The following CRLS1 variants were observed in gnomAD, a reference collection of about 807,000 sequenced individuals.
The protein encoded by CRLS1 is cardiolipin synthase (CMP-forming).
CRLS1 carries 24 observed loss-of-function variants against 37.0 expected under a neutral mutation model. The ratio of observed to expected loss-of-function variants is 0.65; its 90% CI spans 0.47 to 0.91. The LOEUF is 0.91. Among genes scored for constraint, CRLS1 ranks in the 40% least tolerant of loss-of-function variants. The probability of loss-of-function intolerance (pLI) is 0.00; values close to 1 mark genes in which losing one functional copy is unlikely to be tolerated. For missense variants in CRLS1, 373 were observed against 395.8 expected (o/e 0.94, Z 0.49); for synonymous variants, 135 against 159.7 (o/e 0.85, Z 1.17).
At position 6,020,683 on chromosome 20, in the gene CRLS1, C is replaced by T. The variant is rs6053832; in HGVS notation, c.574+5193C>T. On this transcript the variant is annotated intron_variant, in intron 3 of 6. Coordinates refer to ENST00000378863, the MANE Select transcript of CRLS1 (RefSeq NM_019095.6). Reference sequence around the variant, plus strand: ...TGTCGCCCAGGCTGGAGTGCAGTGGCGCAATCTTGGCTCACTGCAAGCTCT... The same window carrying T: ...TGTCGCCCAGGCTGGAGTGCAGTGGTGCAATCTTGGCTCACTGCAAGCTCT... 4.8e-3 allele frequency among the ~76,000 whole-genome samples: 723 copies of T among 150,964 alleles called. 8 individuals carry two copies. Among genetic ancestry groups the T allele is most frequent in the African/African-American group, 0.017 (679 of 41,068 alleles).
chr20:6,006,676 T>G (rs2090060562), intron 1 of CRLS1, 124 bp downstream of exon 1: 1 of 1,209,584 alleles, frequency 8.3e-7, no homozygotes, highest in Non-Finnish European at 1.0e-6. Context: ...GACTCTTCCC[T>G]GAAAAGAAGT....
At chr20:6,023,799 A>G (rs531617142) in intron 3 of CRLS1, among the ~76,000 whole-genome samples, 4 of 152,002 alleles carry the variant, frequency 2.6e-5, no homozygotes, top group East Asian at 1.9e-4. Flanking sequence ...CGGGATATCT[A>G]TACATACATG....
chr20:6,034,432 A>G (rs1980399617), intron 5 of CRLS1, 32 bp from the exon 6 acceptor site: 1 of 1,496,808 alleles, frequency 6.7e-7, no homozygotes, highest in South Asian at 1.1e-5. Flanking sequence ...AGTTGGCACT[A>G]TTCACTTAGA....
chr20:6,029,697 A>G (rs1020048753), intron 3 of CRLS1, among the ~76,000 whole-genome samples: 2 of 152,216 alleles, frequency 1.3e-5, no homozygotes, highest in African/African-American at 4.8e-5. Context: ...AGATTTTGCC[A>G]GCTAATGATT....
At chr20:6,028,857 C>T (rs1979922104) in intron 3 of CRLS1, 1 of 152,226 alleles carries the variant, frequency 6.6e-6, no homozygotes, top group African/African-American at 2.4e-5. Context: ...TTTACACTGT[C>T]CTGCCCATCA....
chr20:6,034,334 G>A (rs1980394338), intron 5 of CRLS1, 130 bp from the exon 6 acceptor site: 1 of 634,958 alleles, frequency 1.6e-6, no homozygotes, highest in South Asian at 1.9e-5. Context: ...GGCAGGGATA[G>A]TGTAGATGAA....
chr20:6,021,255 C>T (rs575557460), intron 3 of CRLS1, among the ~76,000 whole-genome samples: 20 of 151,856 alleles, frequency 1.3e-4, no homozygotes, highest in South Asian at 2.1e-4. Flanking sequence ...TTAGTAGAGA[C>T]GGGGTTTCAC....
At position 6,037,169 on chromosome 20, in the gene CRLS1, C is replaced by A. The variant is rs562798899; in HGVS notation, c.*11C>A. ...GTGATAAAAGACTGATGAAAGTCAT[C>A]CCTCACTGTTAGTAAGGAAGCAGTA... is the stretch of plus-strand genomic sequence containing the variant. On this transcript the variant is annotated 3_prime_UTR_variant, in exon 7 of 7. Coordinates refer to ENST00000378863, the MANE Select transcript of CRLS1 (RefSeq NM_019095.6). 22 of 1,595,978 alleles carry A rather than the reference C, an allele frequency of 1.4e-5. No individual in the cohort carries two copies. The South Asian group carries it at 2.3e-4, about 17-fold the overall frequency.
At chr20:6,033,798 GC>G (rs1260919301) in intron 5 of CRLS1, among the ~76,000 whole-genome samples, 1 of 152,114 alleles carries the variant, frequency 6.6e-6, no homozygotes, top group Non-Finnish European at 1.5e-5. Context: ...TACCACCTCA[GC>G]CCCCCAAGTA....
chr20:6,029,216 G>C (rs1340868064), intron 3 of CRLS1, among the ~76,000 whole-genome samples: 1 of 151,920 alleles, frequency 6.6e-6, no homozygotes, highest in Non-Finnish European at 1.5e-5. Context: ...CTAATTGTTA[G>C]GTCACACTGT....
intron 5 of CRLS1, among the ~76,000 whole-genome samples, chr20:6,032,853 A>G (rs6038332): frequency 0.74 from 112,529 of 152,002 alleles, 42,738 homozygotes; most frequent in African/African-American, 0.92. Flanking sequence ...AGAGAAGGGT[A>G]GTTGCTTCTA....
In CRLS1 at chr20:6,034,548, A is replaced by C. The variant is rs752375104; in HGVS notation, c.814A>C (p.Ile272Leu). The C allele has an allele frequency of 3.1e-6, 5 of 1,606,954 alleles. No individual in the cohort carries two copies. The Admixed American group carries it at 8.3e-5, about 27-fold the overall frequency. Residue 272 changes from isoleucine to leucine, a missense_variant, in exon 6 of 7, where the codon ATA becomes CTA. Physicochemically the swap from Ile to Leu is conservative, Grantham distance 5 (BLOSUM62 2). Coordinates refer to ENST00000378863, the MANE Select transcript of CRLS1 (RefSeq NM_019095.6). Reference protein sequence around the residue: ...FNYADSIYLQILWCFTAFTTA... With the variant: ...FNYADSIYLQLLWCFTAFTTA... The stretch of plus-strand genomic sequence containing the variant: ...CTATGCTGACAGCATTTATCTTCAG[A>C]TACTATGGTAAGCTAAATTTAGAAT...
At position 6,034,263 on chromosome 20, in the gene CRLS1, A is replaced by G. The variant is rs73072354; in HGVS notation, c.730-201A>G. On this transcript the variant is annotated intron_variant, in intron 5 of 6. Transcript: ENST00000378863. The stretch of plus-strand genomic sequence containing the variant: ...CTCTTAAGGGCAGCTGTGCAGACAG[A>G]TGGGTCAGTTAGTGAAGCTGACCCT... Among the ~76,000 whole-genome samples the G allele has an allele frequency of 8.4e-3, 1,283 of 152,336 alleles. 7 individuals are homozygous for G. The highest frequency in any genetic ancestry group is 0.012 in the Non-Finnish European group (814 of 68,030).
In CRLS1 at chr20:6,007,520, G is replaced by T. The variant is rs112241454; in HGVS notation, c.306+968G>T. On this transcript the variant is annotated intron_variant, in intron 1 of 6. Transcript: ENST00000378863. ...ACACCTTAACTGAAATATTCTATGT[G>T]GAGCTAAAAAGAACTCCCTTCACTG... 1,679 of 1,145,686 alleles carry T rather than the reference G, an allele frequency of 1.5e-3. 22 individuals carry two copies. The African/African-American group carries it at 0.019, about 13-fold the overall frequency. The allele number at this position is 1,145,686 out of a possible 1,614,324, so 71.0% of individuals were successfully genotyped here.
At chr20:6,023,627 T>C (rs578091428) in intron 3 of CRLS1, among the ~76,000 whole-genome samples, 1 of 128,720 alleles carries the variant, frequency 7.8e-6, no homozygotes, top group South Asian at 2.6e-4. Context: ...GATTTTCTTT[T>C]AAAAATCTTT....
chr20:6,026,313 TTGTGTGTGTGTGTGTGTG>T (rs147968796), intron 3 of CRLS1: 6 of 148,310 alleles, frequency 4.0e-5, no homozygotes, highest in African/African-American at 1.5e-4. Context: ...GTGTGAGTGT[TTGTGTGTGTGTGTGTGTG>T]TGTGTGTGTG....
chr20:6,011,659 C>T (rs1978329852), intron 2 of CRLS1, among the ~76,000 whole-genome samples: 1 of 131,262 alleles, frequency 7.6e-6, no homozygotes, highest in South Asian at 2.6e-4. Flanking sequence ...GATGTCGGCT[C>T]ACTGCAGCCT....
chr20:6,024,315 T>G (rs149414154), intron 3 of CRLS1, among the ~76,000 whole-genome samples: 1 of 152,316 alleles, frequency 6.6e-6, no homozygotes, highest in East Asian at 1.9e-4. Context: ...TTAAATCTGT[T>G]ATGGTGATCT....
chr20:6,010,034 G>C, intron 2 of CRLS1, 122 bp downstream of exon 2: 1 of 971,458 alleles, frequency 1.0e-6, no homozygotes, highest in Non-Finnish European at 1.4e-6. Context: ...TGAATTTGAC[G>C]TGGTACTTTT....
Sources: allele counts gnomAD v4.1 joint callset (sites outside exome capture counted in the v4.1 genomes callset), GRCh38; gene constraint gnomAD v4.1.1; transcripts MANE v1.5; gene names NCBI Gene and HGNC (gene_info 2026-07-23, HGNC 2026-07-21).